Variants in KLHL22 observed in about 807,000 individuals in gnomAD.
KLHL22 encodes the protein kelch like family member 22.
KLHL22 carries 18 observed loss-of-function variants against 60.7 expected under a neutral mutation model. The observed-to-expected ratio is 0.30, with a 90% CI of 0.20 to 0.44. The LOEUF is 0.44. KLHL22 is among the 20% of genes least tolerant of loss of function. The pLI is 1.00. For synonymous variants in KLHL22, 355 were observed against 354.5 expected (o/e 1.00, Z -0.01); for missense variants, 596 against 852.3 (o/e 0.70, Z 3.74).
chr22:20,476,032 T>C (rs1205922053), intron 2 of KLHL22, among the ~76,000 whole-genome samples: 1 of 152,256 alleles, frequency 6.6e-6, no homozygotes. Flanking sequence ...TAGGGGGTTA[T>C]GTTAAACATC....
chr22:20,450,417 G>A (rs1569123380), intron 5 of KLHL22: 1 of 1,511,010 alleles, frequency 6.6e-7, no homozygotes, highest in East Asian at 2.3e-5. Context: ...CATGTGACAT[G>A]GAGAATGTAC....
At chr22:20,443,512 G>A (rs753657283) in intron 6 of KLHL22, among the ~76,000 whole-genome samples, 6 of 152,190 alleles carry the variant, frequency 3.9e-5, no homozygotes, top group South Asian at 2.1e-4. Flanking sequence ...AGGCCAAGGC[G>A]GGCTGATCAC....
intron 1 of KLHL22, among the ~76,000 whole-genome samples, chr22:20,492,594 CTTT>C (rs528646242): frequency 6.9e-6 from 1 of 144,788 alleles, no homozygotes; most frequent in Admixed American, 7.0e-5. Flanking sequence ...CAAACCTGCC[CTTT>C]TTTTTTTTTT....
In KLHL22 at chr22:20,457,802, C is replaced by G; in HGVS notation, c.1305+6G>C. On this transcript the variant is annotated splice_donor_region_variant and intron_variant, in intron 5 of 6. Transcript: ENST00000328879. ...GGAGAAGGCCCCTCTTCGAGGGCTTCCTTACCTCCCTCTTGAGTGGGGCCA... is the reference window on the plus strand; with the variant it reads ...GGAGAAGGCCCCTCTTCGAGGGCTTGCTTACCTCCCTCTTGAGTGGGGCCA... The G allele has an allele frequency of 6.3e-7, 1 of 1,586,334 alleles. No individual in the cohort carries two copies. Among genetic ancestry groups the G allele is most frequent in the Non-Finnish European group, 8.6e-7 (1 of 1,165,000 alleles).
At chr22:20,460,122 C>G (rs1394516312) in intron 4 of KLHL22, among the ~76,000 whole-genome samples, 1 of 152,202 alleles carries the variant, frequency 6.6e-6, no homozygotes, top group African/African-American at 2.4e-5. Flanking sequence ...ACTGCCTTTC[C>G]TGTGCGCCTT....
chr22:20,442,790 C>G (rs1307156478), intron 6 of KLHL22, among the ~76,000 whole-genome samples: 1 of 152,230 alleles, frequency 6.6e-6, no homozygotes, highest in African/African-American at 2.4e-5. Context: ...TGGTCATTCC[C>G]CATGTCTGAG....
At chr22:20,471,666 GCAT>G in intron 2 of KLHL22, 151 bp from the exon 3 acceptor site, 1 of 726,350 alleles carries the variant, frequency 1.4e-6, no homozygotes, top group Admixed American at 2.7e-5. Flanking sequence ...TGAACTGTGT[GCAT>G]GCATGAGCCA....
chr22:20,482,459 A>G (rs2053518489), intron 2 of KLHL22, among the ~76,000 whole-genome samples: 1 of 152,028 alleles, frequency 6.6e-6, no homozygotes, highest in Admixed American at 6.5e-5. Context: ...CTCACAACTC[A>G]TGGCTCACTG....
intron 3 of KLHL22, among the ~76,000 whole-genome samples, chr22:20,466,184 A>G (rs1020139526): frequency 1.3e-5 from 2 of 151,590 alleles, no homozygotes; most frequent in African/African-American, 4.8e-5. Flanking sequence ...GACCAGCCTG[A>G]CCAACATGGT....
At position 20,483,481 on chromosome 22, in the gene KLHL22, T is replaced by C. The variant is rs936827888; in HGVS notation, c.227+5504A>G. 47 of 743,722 alleles carry C rather than the reference T, an allele frequency of 6.3e-5. No homozygotes were observed. In the African/African-American group the frequency reaches 6.9e-4, roughly 11 times the overall value. The allele number at this position is 743,722 out of a possible 1,614,324, so 46.1% of individuals were successfully genotyped here. ...ATGGTTCTTCTTCATGAAGAGCAGC[T>C]CCTCCTTGAGAGCTTCGATCTCTGT... On this transcript the variant is annotated intron_variant, in intron 2 of 6. Transcript: ENST00000328879.
In KLHL22 at chr22:20,465,546, A is replaced by T; in HGVS notation, c.424T>A (p.Phe142Ile). The T allele has an allele frequency of 6.3e-7, 1 of 1,585,496 alleles. No individual in the cohort carries two copies. The highest frequency in any genetic ancestry group is 8.7e-7 in the Non-Finnish European group (1 of 1,154,006). The change falls in exon 4 of 7, where the codon TTC (phenylalanine) becomes ATC (isoleucine). Residue 142 changes from phenylalanine to isoleucine, a missense_variant. Physicochemically the swap from Phe to Ile is conservative, Grantham distance 21. Coordinates refer to ENST00000328879, the MANE Select transcript of KLHL22 (RefSeq NM_032775.4). The surrounding 1 kb of genome is among the most constrained non-coding windows in gnomAD (Gnocchi z 4.9). ...IPEIIHFCCD[F>I]LMSWVDEENI... ...TCTTCGTCCACCCAGGACATGAGGAAATCACAGCAGAAATGGATAATTTCT... is the reference window on the plus strand; with the variant it reads ...TCTTCGTCCACCCAGGACATGAGGATATCACAGCAGAAATGGATAATTTCT...
chr22:20,463,568 G>A (rs1423520124), intron 4 of KLHL22, among the ~76,000 whole-genome samples: 3 of 152,236 alleles, frequency 2.0e-5, no homozygotes, highest in Non-Finnish European at 4.4e-5. Context: ...CTCTCAGCAG[G>A]GTGGTCTGGC....
At chr22:20,484,751 G>A (rs1034103794) in intron 2 of KLHL22, among the ~76,000 whole-genome samples, 8 of 140,426 alleles carry the variant, frequency 5.7e-5, no homozygotes, top group African/African-American at 1.9e-4. Context: ...TTTTTTTTAC[G>A]AGAAAAGAGG....
At chr22:20,470,469 G>T (rs1318412189) in intron 3 of KLHL22, among the ~76,000 whole-genome samples, 3 of 152,104 alleles carry the variant, frequency 2.0e-5, no homozygotes, top group African/African-American at 7.2e-5. Context: ...AACAAAGCAA[G>T]CCTCTATCTC....
intron 2 of KLHL22, among the ~76,000 whole-genome samples, chr22:20,479,793 G>A (rs919760204): frequency 6.6e-6 from 1 of 152,156 alleles, no homozygotes; most frequent in Non-Finnish European, 1.5e-5. Context: ...ATGAAAAGTG[G>A]TGCAACTGCT....
intron 6 of KLHL22, among the ~76,000 whole-genome samples, chr22:20,445,231 G>C (rs1263604246): frequency 7.0e-6 from 1 of 142,228 alleles, no homozygotes; most frequent in Non-Finnish European, 1.5e-5. Flanking sequence ...TTTTGAGATG[G>C]AGTCTTGCTC....
intron 4 of KLHL22, among the ~76,000 whole-genome samples, chr22:20,459,515 G>A (rs963309007): frequency 1.3e-5 from 2 of 152,174 alleles, no homozygotes; most frequent in Non-Finnish European, 2.9e-5. Context: ...CCTGTCCAAT[G>A]AGGTGATATC....
chr22:20,479,718 C>A (rs933259714), intron 2 of KLHL22, among the ~76,000 whole-genome samples: 2 of 151,996 alleles, frequency 1.3e-5, no homozygotes, highest in Admixed American at 6.6e-5. Context: ...AAACAAAAAA[C>A]CAGAAAATAA....
At chr22:20,486,696 T>A (rs1371498446) in intron 2 of KLHL22, among the ~76,000 whole-genome samples, 2 of 152,052 alleles carry the variant, frequency 1.3e-5, no homozygotes, top group African/African-American at 4.8e-5. Flanking sequence ...TTTTTTTTTT[T>A]TTGAGACGGA....
Sources: gnomAD v4.1 joint callset for allele counts (sites outside exome capture counted in the v4.1 genomes callset) on GRCh38, gnomAD v4.1.1 for gene constraint, Gnocchi (gnomAD v3.1) non-coding constraint, MANE v1.5 for transcripts, NCBI Gene and HGNC (gene_info 2026-07-23, HGNC 2026-07-21) for gene names.